Variants in SLC28A1 observed in about 807,000 individuals in gnomAD.
SLC28A1 encodes the protein solute carrier family 28 member 1.
In SLC28A1, 64 loss-of-function variants were observed where a neutral mutation model predicts 74.8. That is an observed-to-expected ratio of 0.86 (90% CI 0.70 to 1.05). SLC28A1 has a LOEUF of 1.05. Among genes scored for constraint, SLC28A1 ranks in the 50% least tolerant of loss-of-function variants. The pLI, the probability that SLC28A1 is intolerant of heterozygous loss-of-function variation, is 0.00. For synonymous variants in SLC28A1, 359 were observed against 335.0 expected (o/e 1.07, Z -0.78); for missense variants, 828 against 822.8 (o/e 1.01, Z -0.08).
chr15:84,967,731 G>A, the SLC28A1 span, among the ~76,000 whole-genome samples: 2 of 152,160 alleles, frequency 1.3e-5, no homozygotes, highest in African/African-American at 4.8e-5. Context: ...ACGAGGCCCT[G>A]GGGTGTTGCA....
At chr15:84,914,374 G>C (rs552522034) in intron 9 of SLC28A1, among the ~76,000 whole-genome samples, 1 of 152,326 alleles carries the variant, frequency 6.6e-6, no homozygotes, top group East Asian at 1.9e-4. Context: ...GGGGGACACA[G>C]ACATTCAGTT....
intron 5 of SLC28A1, among the ~76,000 whole-genome samples, chr15:84,891,791 A>G (rs555521505): frequency 6.6e-6 from 1 of 152,282 alleles, no homozygotes; most frequent in African/African-American, 2.4e-5. Context: ...ATCAATTTTT[A>G]TGAGATCAGG....
chr15:84,931,466 G>A (rs1971265652), intron 12 of SLC28A1, among the ~76,000 whole-genome samples: 1 of 145,102 alleles, frequency 6.9e-6, no homozygotes. Flanking sequence ...CTAACACAGT[G>A]AAACCCCGTC....
chr15:84,899,370 CA>C lies in SLC28A1; in HGVS notation c.461+4257del, dbSNP rs138754889. On this transcript the variant is annotated intron_variant, in intron 6 of 18. Coordinates refer to ENST00000394573, the MANE Select transcript of SLC28A1 (RefSeq NM_004213.5). The stretch of plus-strand genomic sequence containing the variant: ...AAAAAATATTTGACGAAATTATGTC[CA>C]AAAAAAAAATCCAAATAGGATGACA... Among the ~76,000 whole-genome samples, 71 of 147,892 alleles carry C rather than the reference CA, an allele frequency of 4.8e-4. 3 individuals are homozygous for C. In the South Asian group the frequency reaches 6.6e-3, roughly 14 times the overall value.
At chr15:84,933,945 A>C (rs758478670) in intron 13 of SLC28A1, among the ~76,000 whole-genome samples, 1 of 152,206 alleles carries the variant, frequency 6.6e-6, no homozygotes, top group African/African-American at 2.4e-5. Context: ...ACTGTACTCC[A>C]GCCTGGGCAA....
chr15:84,944,894 AG>A (rs1567194385), intron 18 of SLC28A1, 27 bp downstream of exon 18: 1 of 1,496,272 alleles, frequency 6.7e-7, no homozygotes, highest in Non-Finnish European at 9.3e-7. Flanking sequence ...TGGGACCTGC[AG>A]GGCACCCACA....
At chr15:84,896,046 A>G (rs531144369) in intron 6 of SLC28A1, 5 of 721,368 alleles carry the variant, frequency 6.9e-6, no homozygotes, top group South Asian at 6.3e-5. Context: ...TATTTTTGCA[A>G]TGGTCTTCTG....
chr15:84,922,531 CG>C (rs1315847809), intron 11 of SLC28A1, among the ~76,000 whole-genome samples: 2 of 152,142 alleles, frequency 1.3e-5, no homozygotes, highest in Non-Finnish European at 2.9e-5. Context: ...CCCCGCTGCC[CG>C]GGCCACCTGC....
chr15:84,960,966 A>G, the SLC28A1 span, among the ~76,000 whole-genome samples: 1 of 152,166 alleles, frequency 6.6e-6, no homozygotes, highest in Non-Finnish European at 1.5e-5. Flanking sequence ...CAGGGACAGA[A>G]TAGCAGGGTG....
chr15:84,921,720 G>A (rs1259549795), intron 11 of SLC28A1, among the ~76,000 whole-genome samples: 1 of 152,050 alleles, frequency 6.6e-6, no homozygotes, highest in East Asian at 1.9e-4. Flanking sequence ...TATCTTTTTT[G>A]CTACGGTGCA....
intron 10 of SLC28A1, among the ~76,000 whole-genome samples, chr15:84,920,463 A>AAAGAGG (rs1555451243): frequency 1.1e-4 from 15 of 141,526 alleles, no homozygotes; most frequent in African/African-American, 2.8e-4. Flanking sequence ...AAAGGAAAGG[A>AAAGAGG]AAGGGGAAGG....
At chr15:84,939,931 C>T (rs549227630) in intron 15 of SLC28A1, among the ~76,000 whole-genome samples, 69 of 152,208 alleles carry the variant, frequency 4.5e-4, no homozygotes, top group African/African-American at 1.6e-3. Context: ...CTCAAGTGAT[C>T]CTCCTGCCTC....
intron 9 of SLC28A1, among the ~76,000 whole-genome samples, chr15:84,912,799 C>CGCGCGCGT (rs1555449059): frequency 0.024 from 1,318 of 55,992 alleles, 22 homozygotes; most frequent in African/African-American, 0.059. Flanking sequence ...CCAAATTTTG[C>CGCGCGCGT]GCGCGCGCAC....
At chr15:84,956,755 A>G in the SLC28A1 span, among the ~76,000 whole-genome samples, 1 of 149,840 alleles carries the variant, frequency 6.7e-6, no homozygotes, top group Non-Finnish European at 1.5e-5. Flanking sequence ...TTTTCCTGCC[A>G]TGGCCTCCCA....
At chr15:84,948,152 A>G (rs550067768), downstream of SLC28A1, among the ~76,000 whole-genome samples, 133 of 152,120 alleles carry the variant, frequency 8.7e-4, no homozygotes, top group Admixed American at 1.9e-3. Context: ...CTTTCTTCCC[A>G]TGGCCCTGCC....
At chr15:84,895,577 T>A in intron 6 of SLC28A1, 1 of 1,525,302 alleles carries the variant, frequency 6.6e-7, no homozygotes, top group South Asian at 1.2e-5. Context: ...CAGTTTGAGA[T>A]CTGCTGCTTT....
At chr15:84,960,967 T>C in the SLC28A1 span, among the ~76,000 whole-genome samples, 4 of 152,216 alleles carry the variant, frequency 2.6e-5, no homozygotes, top group African/African-American at 7.2e-5. Flanking sequence ...AGGGACAGAA[T>C]AGCAGGGTGA....
chr15:84,898,502 C>T (rs761954127), intron 6 of SLC28A1, among the ~76,000 whole-genome samples: 1 of 151,024 alleles, frequency 6.6e-6, no homozygotes, highest in Non-Finnish European at 1.5e-5. Context: ...TGGTGTGAAC[C>T]CAGGAGGCAG....
chr15:84,917,027 C>CAAAAAAAAAAA (rs71466062), intron 9 of SLC28A1, among the ~76,000 whole-genome samples: 1 of 27,708 alleles, frequency 3.6e-5, no homozygotes, highest in African/African-American at 8.5e-5. Flanking sequence ...GATTCTGTCT[C>CAAAAAAAAAAA]AAAAAAAAAA....
Sources: gnomAD v4.1 joint callset for allele counts (sites outside exome capture counted in the v4.1 genomes callset) on GRCh38, gnomAD v4.1.1 for gene constraint, MANE v1.5 for transcripts, NCBI Gene and HGNC (gene_info 2026-07-23, HGNC 2026-07-21) for gene names.